The following SGCZ variants were observed in gnomAD, a reference collection of about 807,000 sequenced individuals.
The protein encoded by SGCZ is sarcoglycan zeta.
Under a neutral mutation model 41.3 loss-of-function variants are expected in SGCZ, and 40 were observed. The ratio of observed to expected loss-of-function variants is 0.97; its 90% CI spans 0.75 to 1.26. The LOEUF (loss-of-function observed/expected upper bound fraction) is 1.26. Among genes scored for constraint, SGCZ ranks in the 50% most tolerant of loss-of-function variants. SGCZ has a pLI of 0.00. For synonymous variants in SGCZ, 206 were observed against 137.5 expected, an observed-to-expected ratio of 1.50 and a Z score of -3.49; for missense variants, 552 against 369.8, an observed-to-expected ratio of 1.49 and a Z score of -4.04.
At chr8:14,252,229 T>C (rs1216296304) in intron 3 of SGCZ, among the ~76,000 whole-genome samples, 5 of 152,178 alleles carry the variant, frequency 3.3e-5, no homozygotes, top group African/African-American at 1.2e-4. Context: ...TATCTTGTGC[T>C]AGCAGTTCTT....
At chr8:14,495,779 G>GTT (rs113691111) in intron 2 of SGCZ, among the ~76,000 whole-genome samples, 19 of 151,754 alleles carry the variant, frequency 1.3e-4, no homozygotes, top group Admixed American at 8.5e-4. Context: ...TTAGATAAAC[G>GTT]TTTTTTTGAA....
At chr8:14,502,110 C>A (rs1312901893) in intron 2 of SGCZ, among the ~76,000 whole-genome samples, 1 of 152,032 alleles carries the variant, frequency 6.6e-6, no homozygotes, top group African/African-American at 2.4e-5. Flanking sequence ...GCCTTCAACA[C>A]AATTGAAGGA....
intron 2 of SGCZ, among the ~76,000 whole-genome samples, chr8:14,327,175 T>C (rs369385491): frequency 6.6e-6 from 1 of 152,106 alleles, no homozygotes; most frequent in South Asian, 2.1e-4. Flanking sequence ...TGAAGACAGG[T>C]TTATCACCAG....
intron 2 of SGCZ, among the ~76,000 whole-genome samples, chr8:14,512,433 T>C (rs1388064871): frequency 6.6e-6 from 1 of 152,092 alleles, no homozygotes; most frequent in Non-Finnish European, 1.5e-5. Flanking sequence ...TGTATTAATG[T>C]AGATTACAGC....
At chr8:14,648,655 A>G (rs1807302052) in intron 1 of SGCZ, among the ~76,000 whole-genome samples, 1 of 152,014 alleles carries the variant, frequency 6.6e-6, no homozygotes, top group Non-Finnish European at 1.5e-5. Context: ...CTGATAATTT[A>G]TTATTGTTTT....
chr8:14,166,762 T>C (rs1804223819), intron 4 of SGCZ, among the ~76,000 whole-genome samples: 1 of 152,088 alleles, frequency 6.6e-6, no homozygotes, highest in South Asian at 2.1e-4. Context: ...AAACATGCTA[T>C]ATTGCATGAC....
intron 1 of SGCZ, among the ~76,000 whole-genome samples, chr8:14,911,288 C>G (rs921440734): frequency 2.6e-5 from 4 of 151,942 alleles, no homozygotes; most frequent in African/African-American, 9.7e-5. Flanking sequence ...CTACTAAATC[C>G]CAACAAAATC....
At chr8:15,118,814 A>T (rs76184101) in intron 1 of SGCZ, among the ~76,000 whole-genome samples, 59 of 152,262 alleles carry the variant, frequency 3.9e-4, no homozygotes, top group African/African-American at 1.2e-3. Context: ...AGCCCTGCAG[A>T]TCAGCTCCAT....
chr8:15,074,706 C>G (rs1037126016), intron 1 of SGCZ, among the ~76,000 whole-genome samples: 2 of 152,016 alleles, frequency 1.3e-5, no homozygotes, highest in Non-Finnish European at 2.9e-5. Flanking sequence ...GATTCCATTT[C>G]CACATCCGGC....
intron 1 of SGCZ, among the ~76,000 whole-genome samples, chr8:14,995,683 T>C (rs1346745498): frequency 6.6e-6 from 1 of 152,204 alleles, no homozygotes; most frequent in African/African-American, 2.4e-5. Context: ...TTATCCTTCC[T>C]TAAGTTCAGC....
At position 14,899,648 on chromosome 8, in the gene SGCZ, C is replaced by T. The variant is rs866620373; in HGVS notation, c.39+337937G>A. ...CTGTGCTAGGTTCACTACCTGATCC[C>T]GAAGGCATATTGGTTTAAGTAATAC... On this transcript the variant is annotated intron_variant, in intron 1 of 7. Coordinates refer to ENST00000382080, the MANE Select transcript of SGCZ (RefSeq NM_139167.4). Among the ~76,000 whole-genome samples the T allele has an allele frequency of 3.9e-5, 6 of 152,140 alleles. No homozygotes were observed. In the Middle Eastern group the frequency reaches 0.014, roughly 345 times the overall value.
chr8:15,084,644 C>T (rs1185041344), intron 1 of SGCZ, among the ~76,000 whole-genome samples: 3 of 152,016 alleles, frequency 2.0e-5, no homozygotes, highest in East Asian at 1.9e-4. Flanking sequence ...CCCAGCTACT[C>T]GGAAGGTTGA....
chr8:14,430,292 C>A (rs1338567435), intron 2 of SGCZ, among the ~76,000 whole-genome samples: 1 of 152,052 alleles, frequency 6.6e-6, no homozygotes, highest in Non-Finnish European at 1.5e-5. Context: ...TGCTAAAATC[C>A]TTAACAAAAT....
chr8:15,167,552 C>T (rs183514337), intron 1 of SGCZ, among the ~76,000 whole-genome samples: 1 of 152,290 alleles, frequency 6.6e-6, no homozygotes, highest in East Asian at 1.9e-4. Context: ...AGACTTCCAT[C>T]AAAGCCAAAC....
chr8:14,301,067 A>ATCATCT (rs1801169248), intron 3 of SGCZ, among the ~76,000 whole-genome samples: 1 of 136,568 alleles, frequency 7.3e-6, no homozygotes. Flanking sequence ...GAAAATCATC[A>ATCATCT]TCATCATCAT....
intron 3 of SGCZ, among the ~76,000 whole-genome samples, chr8:14,262,485 CAT>C (rs1799708836): frequency 6.6e-6 from 1 of 151,972 alleles, no homozygotes; most frequent in African/African-American, 2.4e-5. Context: ...GGAATACCCA[CAT>C]GTGACAAATA....
At chr8:14,138,078 C>G (rs1004486293) in intron 5 of SGCZ, among the ~76,000 whole-genome samples, 2 of 152,070 alleles carry the variant, frequency 1.3e-5, no homozygotes, top group Non-Finnish European at 2.9e-5. Context: ...TCCAGCCAAA[C>G]TAAGCTTCAT....
At chr8:14,376,341 A>T (rs528945938) in intron 2 of SGCZ, among the ~76,000 whole-genome samples, 1 of 133,420 alleles carries the variant, frequency 7.5e-6, no homozygotes, top group Non-Finnish European at 1.6e-5. Flanking sequence ...AAAATAAAAT[A>T]AAAAAAATAC....
chr8:14,640,771 G>T (rs569297835), intron 1 of SGCZ, among the ~76,000 whole-genome samples: 1 of 151,610 alleles, frequency 6.6e-6, no homozygotes, highest in African/African-American at 2.4e-5. Context: ...CCCTCAGATA[G>T]CTCATCCTCT....
Sources: allele counts gnomAD v4.1 joint callset (sites outside exome capture counted in the v4.1 genomes callset), GRCh38; gene constraint gnomAD v4.1.1; transcripts MANE v1.5; gene names NCBI Gene and HGNC (gene_info 2026-07-23, HGNC 2026-07-21).